ACSS1: variants seen among roughly 807,000 people sequenced by gnomAD.
The protein encoded by ACSS1 is acetyl-coenzyme A synthetase 2-like, mitochondrial.
In ACSS1, 42 loss-of-function variants were observed where a neutral mutation model predicts 75.3. That is an observed-to-expected ratio of 0.56 (90% CI 0.44 to 0.72). The LOEUF is 0.72. ACSS1 is among the 30% of genes least tolerant of loss of function. The pLI is 0.00. For synonymous variants in ACSS1, 380 were observed against 376.8 expected (o/e 1.01, Z -0.10); for missense variants, 782 against 935.7 (o/e 0.84, Z 2.14).
At chr20:25,043,017 C>G (rs958226491) in intron 2 of ACSS1, among the ~76,000 whole-genome samples, 5 of 152,086 alleles carry the variant, frequency 3.3e-5, no homozygotes, top group Non-Finnish European at 7.4e-5. Context: ...CAGGGTCAGG[C>G]TGGGCAGAGC....
intron 6 of ACSS1, among the ~76,000 whole-genome samples, chr20:25,021,184 G>C (rs929274457): frequency 2.6e-5 from 4 of 152,248 alleles, no homozygotes; most frequent in Non-Finnish European, 4.4e-5. Context: ...CCAGCACCAA[G>C]TCAGACTCCC....
At chr20:25,028,370 G>A (rs142041026) in intron 3 of ACSS1, among the ~76,000 whole-genome samples, 39 of 152,318 alleles carry the variant, frequency 2.6e-4, no homozygotes, top group African/African-American at 8.2e-4. Flanking sequence ...CAAAGCTACA[G>A]TGTCAAAACA....
chr20:25,008,377 A>G (rs918528516), intron 13 of ACSS1, among the ~76,000 whole-genome samples: 20 of 152,256 alleles, frequency 1.3e-4, no homozygotes, highest in African/African-American at 4.6e-4. Flanking sequence ...AAAAGCTAAC[A>G]TGGAGCATGC....
At position 25,030,900 on chromosome 20, in the gene ACSS1, G is replaced by C; in HGVS notation, c.490C>G (p.Arg164Gly). ...ANTLKRHGVH[R>G]GDRVAIYMPV... is the part of the protein sequence containing the mutation. ...ATGTAGATGGCAACACGGTCCCCACGGTGGACTCCATGCCTCTTCAGCGTG... is the reference window on the plus strand; with the variant it reads ...ATGTAGATGGCAACACGGTCCCCACCGTGGACTCCATGCCTCTTCAGCGTG... The change falls in exon 3 of 14, where the codon CGT becomes GGT. Residue 164 changes from arginine to glycine, a missense_variant. Around this residue, in one of 2 missense-constraint regions of ACSS1, gnomAD observed 377 missense variants for 383.1 expected, o/e 0.98. Transcript: ENST00000323482. 5.0e-6 allele frequency: 8 copies of C among 1,614,192 alleles called. No individual in the cohort carries two copies. Among genetic ancestry groups the C allele is most frequent in the Non-Finnish European group, 6.8e-6 (8 of 1,180,030 alleles).
Position 25,009,322 on chromosome 20 carries a change from T to C in ACSS1, c.1838A>G (p.Lys613Arg), listed in dbSNP as rs575005733. 10 of 1,614,234 alleles carry C rather than the reference T, an allele frequency of 6.2e-6. No individual in the cohort carries two copies. The East Asian group carries it at 1.3e-4, about 22-fold the overall frequency. Residue 613 changes from lysine (K) to arginine (R), a missense_variant, in exon 13 of 14, where the codon AAG becomes AGG. By Grantham distance (26) the Lys-to-Arg change is conservative (BLOSUM62 2). This residue lies in a region of ACSS1 where 405 missense variants were observed against 552.6 expected (regional missense o/e 0.73). Transcript: ENST00000323482. ...GGCGATCTTGGTGGCCACCATGGACTTGAGCTCCTGCACCACCACATCTGA... is the reference window on the plus strand; with the variant it reads ...GGCGATCTTGGTGGCCACCATGGACCTGAGCTCCTGCACCACCACATCTGA... ...GDSDVVVQEL[K>R]SMVATKIAKY...
chr20:25,042,866 T>A (rs941799276), intron 2 of ACSS1, among the ~76,000 whole-genome samples: 1 of 152,024 alleles, frequency 6.6e-6, no homozygotes, highest in Non-Finnish European at 1.5e-5. Context: ...CGGACCCTCA[T>A]CCTCCAGACA....
intron 3 of ACSS1, among the ~76,000 whole-genome samples, chr20:25,027,178 C>A (rs1365612345): frequency 6.6e-6 from 1 of 152,162 alleles, no homozygotes; most frequent in Non-Finnish European, 1.5e-5. Context: ...TTTCTAAAGA[C>A]CAGAACCAGA....
chr20:25,047,216 A>G (rs528418878), intron 2 of ACSS1, among the ~76,000 whole-genome samples: 1 of 152,302 alleles, frequency 6.6e-6, no homozygotes, highest in East Asian at 1.9e-4. Flanking sequence ...CAGGCTGCCC[A>G]GTGTGGACCT....
At position 25,048,080 on chromosome 20, in the gene ACSS1, A is replaced by G. The variant is rs967362664; in HGVS notation, c.431+5T>C. On this transcript the variant is annotated splice_donor_5th_base_variant and intron_variant, in intron 2 of 13. Coordinates refer to ENST00000323482, the MANE Select transcript of ACSS1 (RefSeq NM_032501.4). ...TCGCACCTTGAACATTCGAGGGCAC[A>G]GTACCTGTAGGTGATCCTCACTTCC... 1.9e-6 allele frequency: 3 copies of G among 1,613,310 alleles called. No individual in the cohort carries two copies. Among genetic ancestry groups the G allele is most frequent in the Non-Finnish European group, 2.5e-6 (3 of 1,179,776 alleles).
intron 2 of ACSS1, among the ~76,000 whole-genome samples, chr20:25,037,435 C>G (rs903041898): frequency 3.9e-5 from 6 of 152,172 alleles, no homozygotes; most frequent in Non-Finnish European, 7.3e-5. Context: ...GAGAAACCAG[C>G]CTACAGAAAC....
chr20:25,038,148 T>G (rs560407996), intron 2 of ACSS1, among the ~76,000 whole-genome samples: 1 of 152,330 alleles, frequency 6.6e-6, no homozygotes, highest in South Asian at 2.1e-4. Flanking sequence ...GCTCAGCCAG[T>G]AACAAGATCA....
chr20:25,014,068 C>A lies in ACSS1; in HGVS notation c.1345G>T (p.Gly449Cys). Reference sequence around the variant, plus strand: ...GGCCGTGGTGCGATGCAGATGCCACCTGTTTCTGCAGGTATGACAAGAAAG... The same window carrying A: ...GGCCGTGGTGCGATGCAGATGCCACATGTTTCTGCAGGTATGACAAGAAAG... ...LVDTWWQTET[G>C]GICIAPRPSE... The change falls in exon 9 of 14, where the codon GGT becomes TGT. Residue 449 changes from glycine (G) to cysteine (C), a missense_variant. Gly to Cys is a radical substitution (Grantham distance 159). Around this residue, in one of 2 missense-constraint regions of ACSS1, gnomAD observed 405 missense variants for 552.6 expected, o/e 0.73. Transcript: ENST00000323482. The A allele has an allele frequency of 1.9e-6, 3 of 1,607,102 alleles. No homozygotes were observed. Among genetic ancestry groups the A allele is most frequent in the Non-Finnish European group, 2.5e-6 (3 of 1,177,044 alleles).
intron 7 of ACSS1, among the ~76,000 whole-genome samples, chr20:25,016,626 G>C (rs959549314): frequency 6.6e-6 from 1 of 152,212 alleles, no homozygotes; most frequent in Non-Finnish European, 1.5e-5. Flanking sequence ...GGCCACATTG[G>C]CAGCTCAGTG....
At chr20:25,015,085 T>A in intron 8 of ACSS1, 53 bp downstream of exon 8, 1 of 1,521,252 alleles carries the variant, frequency 6.6e-7, no homozygotes, top group South Asian at 1.2e-5. Flanking sequence ...GCCTCACACC[T>A]GACCCTGCAG....
intron 1 of ACSS1, among the ~76,000 whole-genome samples, chr20:25,056,555 C>T (rs545497512): frequency 6.6e-6 from 1 of 152,314 alleles, no homozygotes; most frequent in African/African-American, 2.4e-5. Context: ...AAAATCGCTA[C>T]TGCTTATGGG....
At position 25,006,646 on chromosome 20, in the gene ACSS1, CCG is replaced by C. The variant is rs2088313287; in HGVS notation, c.*1114_*1115del. 2 of 664,340 alleles carry C rather than the reference CCG, an allele frequency of 3.0e-6. No homozygotes were observed. The highest frequency in any genetic ancestry group is 4.8e-6 in the Non-Finnish European group (2 of 414,440). 41.2% of individuals were successfully genotyped at this position (664,340 alleles called of 1,614,324 possible). A position where few individuals can be genotyped will look rare whatever the true frequency, so the allele number is the denominator to read the frequency against. ...TCACTGGGCCTCCTTCCCCTGCCAA[CCG>C]CCAGCCCCTGCATGCCTAGCAGGGA... On this transcript the variant is annotated 3_prime_UTR_variant, in exon 14 of 14. Coordinates refer to ENST00000323482, the MANE Select transcript of ACSS1 (RefSeq NM_032501.4).
At chr20:25,025,595 C>T (rs765507996) in intron 3 of ACSS1, among the ~76,000 whole-genome samples, 1 of 152,190 alleles carries the variant, frequency 6.6e-6, no homozygotes, top group Non-Finnish European at 1.5e-5. Context: ...ACAGGGCTGG[C>T]TCCTATGTGG....
intron 5 of ACSS1, 117 bp from the exon 6 acceptor site, chr20:25,021,653 G>A: frequency 1.5e-6 from 2 of 1,342,864 alleles, no homozygotes; most frequent in Non-Finnish European, 2.0e-6. Flanking sequence ...GAGGCAGCTG[G>A]CTCCTCAAAT....
chr20:25,020,511 A>G (rs2088603929), intron 6 of ACSS1, among the ~76,000 whole-genome samples: 2 of 152,222 alleles, frequency 1.3e-5, no homozygotes, highest in Non-Finnish European at 2.9e-5. Context: ...TAAAGTGGTG[A>G]CTGGTGCTTC....
Sources: gnomAD v4.1 joint callset for allele counts (sites outside exome capture counted in the v4.1 genomes callset) on GRCh38, gnomAD v4.1.1 for gene constraint, gnomAD v4.1.1 regional missense constraint, MANE v1.5 for transcripts, NCBI Gene and HGNC (gene_info 2026-07-23, HGNC 2026-07-21) for gene names.